Variants in STRBP observed in about 807,000 individuals in gnomAD.
STRBP encodes the protein spermatid perinuclear RNA binding protein, also known as spermatid perinuclear RNA-binding protein.
Under a neutral mutation model 80.1 loss-of-function variants are expected in STRBP, and 13 were observed. The ratio of observed to expected loss-of-function variants is 0.16; its 90% CI spans 0.11 to 0.26. The LOEUF is 0.26. Ranked by LOEUF, STRBP falls within the 10% of genes least tolerant of loss-of-function variation. STRBP has a pLI of 1.00. For missense variants in STRBP, 485 were observed against 815.2 expected (o/e 0.59, Z 4.93); for synonymous variants, 284 against 291.2 (o/e 0.98, Z 0.25).
rs184698743 is a variant in STRBP, at chr9:123,142,659, C to A, written c.1339-2972G>T. ...CCTGTTCCTTGGCTACAAATCCTCACTTGTCCATGTTGAAGTCAGAATTGA... is the reference window on the plus strand; with the variant it reads ...CCTGTTCCTTGGCTACAAATCCTCAATTGTCCATGTTGAAGTCAGAATTGA... On this transcript the variant is annotated intron_variant, in intron 13 of 18. Transcript: ENST00000348403. Among the ~76,000 whole-genome samples the A allele has an allele frequency of 1.7e-3, 255 of 152,294 alleles. 1 individual carries two copies. Among genetic ancestry groups the A allele is most frequent in the Admixed American group, 4.9e-3 (75 of 15,292 alleles).
rs1554762956 is a variant in STRBP at position 123,200,762 on chromosome 9, T to TTTTTTTA, written c.-164-16465_-164-16464insTAAAAAA. ...TTTTTTTTTTTTTTTTTTTTTTTTT[T>TTTTTTTA]AGTAGAGACCAGGTTTCACCATGTT... On this transcript the variant is annotated intron_variant, in intron 2 of 18. Coordinates refer to ENST00000348403, the MANE Select transcript of STRBP (RefSeq NM_018387.5). Among the ~76,000 whole-genome samples, 92 of 133,534 alleles carry TTTTTTTA rather than the reference T, an allele frequency of 6.9e-4. 5 individuals are homozygous for TTTTTTTA. Among genetic ancestry groups the TTTTTTTA allele is most frequent in the African/African-American group, 2.5e-3 (87 of 34,216 alleles). 87.6% of individuals were successfully genotyped at this position (133,534 alleles called of 152,430 possible).
At chr9:123,186,825 TAAAA>T (rs10534355) in intron 2 of STRBP, among the ~76,000 whole-genome samples, 48 of 142,266 alleles carry the variant, frequency 3.4e-4, no homozygotes, top group Admixed American at 1.8e-3. Context: ...TTTCTTTTTT[TAAAA>T]AAAAAAAAAA....
chr9:123,158,249 A>G, intron 10 of STRBP, 83 bp downstream of exon 10: 7 of 1,539,518 alleles, frequency 4.5e-6, no homozygotes, highest in Non-Finnish European at 6.3e-6. Context: ...ACAACACACA[A>G]GAAAAAAGTG....
At chr9:123,201,851 CT>C (rs2039337162) in intron 2 of STRBP, among the ~76,000 whole-genome samples, 1 of 152,218 alleles carries the variant, frequency 6.6e-6, no homozygotes, top group Non-Finnish European at 1.5e-5. Context: ...GTACTGAAAT[CT>C]ACCACTGCTA....
intron 2 of STRBP, among the ~76,000 whole-genome samples, chr9:123,203,865 G>A (rs1005128863): frequency 2.0e-5 from 3 of 152,020 alleles, no homozygotes; most frequent in Admixed American, 6.6e-5. Flanking sequence ...CTAGCTACTC[G>A]GGAGTCTGAG....
chr9:123,206,078 C>T (rs1358431603), intron 2 of STRBP, among the ~76,000 whole-genome samples: 1 of 152,134 alleles, frequency 6.6e-6, no homozygotes, highest in African/African-American at 2.4e-5. Context: ...AACGTGTTCG[C>T]CAATTGTGAA....
chr9:123,200,540 C>T (rs1331463477), intron 2 of STRBP, among the ~76,000 whole-genome samples: 2 of 150,018 alleles, frequency 1.3e-5, no homozygotes, highest in East Asian at 3.9e-4. Context: ...TCATCTGATC[C>T]TGGGCTTTTT....
intron 1 of STRBP, among the ~76,000 whole-genome samples, chr9:123,238,507 G>C (rs921094873): frequency 1.3e-5 from 2 of 152,186 alleles, no homozygotes; most frequent in African/African-American, 4.8e-5. Flanking sequence ...GCATGACCTA[G>C]GGTTTAGCTA....
At chr9:123,152,713 G>A (rs963873565) in intron 11 of STRBP, among the ~76,000 whole-genome samples, 3 of 152,226 alleles carry the variant, frequency 2.0e-5, no homozygotes, top group Non-Finnish European at 4.4e-5. Flanking sequence ...GTGGTTTCCC[G>A]GGATTAGGGA....
intron 3 of STRBP, chr9:123,111,383 ACTC>A (rs2035563792): frequency 1.0e-5 from 3 of 292,522 alleles, no homozygotes; most frequent in South Asian, 3.1e-5. Flanking sequence ...GCTATCTAAA[ACTC>A]CTACTCCTTG....
rs985507168 is a variant in STRBP at position 123,123,708 on chromosome 9, T to C, written c.*1889A>G. On this transcript the variant is annotated 3_prime_UTR_variant, in exon 19 of 19. Transcript: ENST00000348403. ...AGAGATTCCAACGTGGAATCCAAAT[T>C]TGATGACCAATTTCAAATAACAATA... The C allele has an allele frequency of 2.0e-6, 2 of 985,206 alleles. No homozygotes were observed. The highest frequency in any genetic ancestry group is 3.5e-5 in the African/African-American group (2 of 57,206). The allele number at this position is 985,206 out of a possible 1,614,324, so 61.0% of individuals were successfully genotyped here.
Position 123,158,399 on chromosome 9 carries a change from C to T in STRBP, c.866G>A (p.Arg289Gln), listed in dbSNP as rs889607660. 3 of 1,613,296 alleles carry T rather than the reference C, an allele frequency of 1.9e-6. No homozygotes were observed. The highest frequency in any genetic ancestry group is 1.3e-5 in the African/African-American group (1 of 74,808). The change falls in exon 10 of 19, where the codon CGA becomes CAA. Residue 289 changes from arginine (R) to glutamine (Q), a missense_variant. Coordinates refer to ENST00000348403, the MANE Select transcript of STRBP (RefSeq NM_018387.5). ...ATAGCTCAGAGCATCTGTTGGGTCTCGCTCACAAGGATCATGAAGACCAGG... is the reference window on the plus strand; with the variant it reads ...ATAGCTCAGAGCATCTGTTGGGTCTTGCTCACAAGGATCATGAAGACCAGG... Reference protein sequence around the residue: ...GGPGLHDPCERDPTDALSYMT... With the variant: ...GGPGLHDPCEQDPTDALSYMT...
At chr9:123,199,636 G>A (rs1048385657) in intron 2 of STRBP, among the ~76,000 whole-genome samples, 1 of 152,080 alleles carries the variant, frequency 6.6e-6, no homozygotes, top group Non-Finnish European at 1.5e-5. Context: ...TATTTTATTT[G>A]CAGATGTTAT....
chr9:123,158,418 G>A lies in STRBP; in HGVS notation c.847C>T (p.Leu283Phe), dbSNP rs762481710. The A allele has an allele frequency of 6.2e-7, 1 of 1,613,390 alleles. No individual in the cohort carries two copies. Among genetic ancestry groups the A allele is most frequent in the Non-Finnish European group, 8.5e-7 (1 of 1,179,568 alleles). ...GGGTCTCGCTCACAAGGATCATGAA[G>A]ACCAGGACCCCCTTTGGCAAAGGAA... is the stretch of plus-strand genomic sequence containing the variant. ...SGILLPGGPG[L>F]HDPCERDPTD... is the part of the protein sequence containing the mutation. Residue 283 changes from leucine to phenylalanine, a missense_variant, in exon 10 of 19, where the codon CTT becomes TTT. Coordinates refer to ENST00000348403, the MANE Select transcript of STRBP (RefSeq NM_018387.5).
intron 2 of STRBP, among the ~76,000 whole-genome samples, chr9:123,187,273 A>G: frequency 6.6e-6 from 1 of 151,974 alleles, no homozygotes; most frequent in Non-Finnish European, 1.5e-5. Context: ...CTATTTAAAA[A>G]AAAAAAAAAA....
At chr9:123,211,437 G>A (rs2039705271) in intron 2 of STRBP, among the ~76,000 whole-genome samples, 1 of 152,162 alleles carries the variant, frequency 6.6e-6, no homozygotes, top group Admixed American at 6.5e-5. Flanking sequence ...ATGGGGATAG[G>A]ATGGTTGGGG....
chr9:123,147,643 A>G (rs1164524927), intron 12 of STRBP, 135 bp downstream of exon 12: 1 of 674,738 alleles, frequency 1.5e-6, no homozygotes, highest in Non-Finnish European at 2.3e-6. Flanking sequence ...GCGCCACTGC[A>G]CTCCAGTCTC....
At chr9:123,150,678 C>T (rs1000753251) in intron 11 of STRBP, among the ~76,000 whole-genome samples, 108 of 152,096 alleles carry the variant, frequency 7.1e-4, no homozygotes, top group African/African-American at 2.5e-3. Flanking sequence ...GGGGCATCTT[C>T]CTAATCCAGA....
At chr9:123,173,223 C>G (rs989338066) in intron 5 of STRBP, among the ~76,000 whole-genome samples, 1 of 152,166 alleles carries the variant, frequency 6.6e-6, no homozygotes, top group African/African-American at 2.4e-5. Context: ...TTTCCATTAA[C>G]AGAACAAAGA....
Sources: gnomAD v4.1 joint callset for allele counts (sites outside exome capture counted in the v4.1 genomes callset) on GRCh38, gnomAD v4.1.1 for gene constraint, MANE v1.5 for transcripts, NCBI Gene and HGNC (gene_info 2026-07-23, HGNC 2026-07-21) for gene names.